The following LYZL1 variants were observed in gnomAD, a reference collection of about 807,000 sequenced individuals.
The protein encoded by LYZL1 is lysozyme like 1.
LYZL1 carries 16 observed loss-of-function variants against 17.9 expected under a neutral mutation model. That is an observed-to-expected ratio of 0.90 (90% CI 0.61 to 1.36). LYZL1 has a LOEUF of 1.36. Among genes scored for constraint, LYZL1 ranks in the 40% most tolerant of loss-of-function variants. The pLI is 0.00. For missense variants in LYZL1, 149 were observed against 188.4 expected (o/e 0.79, Z 1.22); for synonymous variants, 58 against 71.8 (o/e 0.81, Z 0.97).
chr10:29,294,257 G>A (rs1330877520), intron 3 of LYZL1, among the ~76,000 whole-genome samples: 1 of 152,166 alleles, frequency 6.6e-6, no homozygotes, highest in Non-Finnish European at 1.5e-5. Flanking sequence ...CCCAGGCTAA[G>A]AGGCTTTCAC....
At chr10:29,310,253 A>T (rs1228569497) in intron 4 of LYZL1, 65 bp downstream of exon 4, 1 of 1,271,588 alleles carries the variant, frequency 7.9e-7, no homozygotes, top group East Asian at 2.3e-5. Flanking sequence ...TATTTATCAC[A>T]GTTATGGTGG....
chr10:29,294,645 G>A (rs1490463322), intron 3 of LYZL1, among the ~76,000 whole-genome samples: 6 of 152,170 alleles, frequency 3.9e-5, no homozygotes, highest in Admixed American at 1.3e-4. Flanking sequence ...AGAGAATGAG[G>A]AACAAGAGTG....
intron 3 of LYZL1, among the ~76,000 whole-genome samples, chr10:29,301,059 T>A (rs1318084666): frequency 6.6e-6 from 1 of 152,142 alleles, no homozygotes; most frequent in East Asian, 1.9e-4. Context: ...TCATCTTGAA[T>A]TGTAACTCCC....
At chr10:29,303,069 C>T (rs368469690) in intron 3 of LYZL1, among the ~76,000 whole-genome samples, 5 of 152,136 alleles carry the variant, frequency 3.3e-5, no homozygotes, top group Admixed American at 1.3e-4. Flanking sequence ...TCCAGCCCCG[C>T]GAGGTCTGTA....
intron 3 of LYZL1, among the ~76,000 whole-genome samples, chr10:29,297,733 G>A (rs574006597): frequency 1.6e-4 from 25 of 152,218 alleles, no homozygotes; most frequent in African/African-American, 6.0e-4. Flanking sequence ...TGGGAGTCTT[G>A]GAATGTATCC....
chr10:29,312,132 T>C (rs1409040065), downstream of LYZL1, among the ~76,000 whole-genome samples: 1 of 152,222 alleles, frequency 6.6e-6, no homozygotes, highest in Admixed American at 6.5e-5. Context: ...AGACCCTGTC[T>C]CTACAGCATT....
intron 3 of LYZL1, among the ~76,000 whole-genome samples, chr10:29,304,842 A>G (rs1564392568): frequency 6.6e-6 from 1 of 152,186 alleles, no homozygotes; most frequent in South Asian, 2.1e-4. Flanking sequence ...AAGCAAATTC[A>G]GTCAAGTCCA....
intron 3 of LYZL1, among the ~76,000 whole-genome samples, chr10:29,316,504 T>TA (rs1835731080): frequency 1.3e-5 from 2 of 152,200 alleles, no homozygotes; most frequent in African/African-American, 4.8e-5. Flanking sequence ...CTCACTGATG[T>TA]AACCCAAAAG....
At chr10:29,310,499 A>G (rs1835656382) in intron 4 of LYZL1, among the ~76,000 whole-genome samples, 1 of 145,668 alleles carries the variant, frequency 6.9e-6, no homozygotes, top group Non-Finnish European at 1.5e-5. Flanking sequence ...AATTCGAGAG[A>G]GGAAAAAAAA....
At chr10:29,316,694 C>G (rs1400347371) in intron 3 of LYZL1, among the ~76,000 whole-genome samples, 14 of 135,748 alleles carry the variant, frequency 1.0e-4, no homozygotes, top group African/African-American at 3.8e-4. Context: ...TTTTCTTTTT[C>G]TTTTTCCTTT....
chr10:29,305,669 G>A (rs1283599117), intron 3 of LYZL1, among the ~76,000 whole-genome samples: 1 of 152,190 alleles, frequency 6.6e-6, no homozygotes, highest in Non-Finnish European at 1.5e-5. Flanking sequence ...CTGTAGAATT[G>A]TAAACCAAAT....
At chr10:29,291,189 T>A (rs1032122325) in intron 1 of LYZL1, among the ~76,000 whole-genome samples, 1 of 152,216 alleles carries the variant, frequency 6.6e-6, no homozygotes, top group African/African-American at 2.4e-5. Flanking sequence ...AAATAGCCAA[T>A]AAACACATAT....
At chr10:29,308,206 A>G (rs575681985) in intron 3 of LYZL1, among the ~76,000 whole-genome samples, 5 of 152,308 alleles carry the variant, frequency 3.3e-5, no homozygotes, top group African/African-American at 1.2e-4. Flanking sequence ...AGTACCTGCC[A>G]CCTGCTTCAG....
chr10:29,291,085 C>T (rs1835357968), intron 1 of LYZL1, among the ~76,000 whole-genome samples: 1 of 152,150 alleles, frequency 6.6e-6, no homozygotes, highest in South Asian at 2.1e-4. Flanking sequence ...GGCACCGACG[C>T]CTGCTCAGTT....
At chr10:29,304,797 T>C (rs1283327992) in intron 3 of LYZL1, among the ~76,000 whole-genome samples, 2 of 152,188 alleles carry the variant, frequency 1.3e-5, no homozygotes, top group Non-Finnish European at 2.9e-5. Context: ...GAGCTCTTGA[T>C]TTCCCAGCCC....
intron 3 of LYZL1, among the ~76,000 whole-genome samples, chr10:29,294,789 G>A (rs1835423736): frequency 6.6e-6 from 1 of 152,282 alleles, no homozygotes; most frequent in Middle Eastern, 3.4e-3. Flanking sequence ...CCCAGCTGAT[G>A]CCTGAAACTG....
intron 3 of LYZL1, among the ~76,000 whole-genome samples, chr10:29,296,231 C>T (rs1299732374): frequency 6.6e-6 from 1 of 152,020 alleles, no homozygotes; most frequent in African/African-American, 2.4e-5. Context: ...GAAGAGGAAA[C>T]AATACCAAAA....
chr10:29,298,706 T>C (rs7090211), intron 3 of LYZL1, among the ~76,000 whole-genome samples: 1 of 151,820 alleles, frequency 6.6e-6, no homozygotes, highest in Non-Finnish European at 1.5e-5. Flanking sequence ...CCCAGCCTGA[T>C]TGTGAAGGAT....
downstream of LYZL1, among the ~76,000 whole-genome samples, chr10:29,312,516 C>T (rs1046690879): frequency 3.3e-5 from 5 of 152,114 alleles, no homozygotes; most frequent in Admixed American, 3.3e-4. Flanking sequence ...TTAAATCTAT[C>T]CAATTCAAAA....
Sources: gnomAD v4.1 joint callset for allele counts (sites outside exome capture counted in the v4.1 genomes callset) on GRCh38, gnomAD v4.1.1 for gene constraint, MANE v1.5 for transcripts, NCBI Gene and HGNC (gene_info 2026-07-23, HGNC 2026-07-21) for gene names.